Variants in COQ8A observed in about 807,000 individuals in gnomAD.
COQ8A encodes the protein coenzyme Q8A, also known as atypical kinase COQ8A, mitochondrial.
COQ8A carries 51 observed loss-of-function variants against 65.0 expected under a neutral mutation model. That is an observed-to-expected ratio of 0.78 (90% CI 0.63 to 0.99). COQ8A has a LOEUF of 0.99. Ranked by LOEUF, COQ8A falls within the 50% of genes least tolerant of loss-of-function variation. The pLI is 0.00. For missense variants in COQ8A, 940 were observed against 875.0 expected (o/e 1.07, Z -0.94); for synonymous variants, 371 against 353.2 (o/e 1.05, Z -0.57).
intron 1 of COQ8A, among the ~76,000 whole-genome samples, chr1:226,952,145 C>G (rs1365530457): frequency 6.6e-6 from 1 of 152,196 alleles, no homozygotes; most frequent in Non-Finnish European, 1.5e-5. Context: ...TTTTTCCCCA[C>G]TGTCCCGAGA....
intron 1 of COQ8A, among the ~76,000 whole-genome samples, chr1:226,960,059 TTGG>T (rs1190932051): frequency 6.7e-6 from 1 of 150,288 alleles, no homozygotes; most frequent in African/African-American, 2.5e-5. Context: ...GTGGTGGTAC[TTGG>T]TGGTAGTGGT....
At chr1:226,978,216 C>T (rs1240593596) in intron 5 of COQ8A, among the ~76,000 whole-genome samples, 11 of 104,812 alleles carry the variant, frequency 1.0e-4, no homozygotes, top group Non-Finnish European at 1.4e-4. Flanking sequence ...CACCTCCTTA[C>T]ACACCCTCTA....
rs145077521 is a variant in COQ8A, at chr1:226,949,263, T to TTA, written c.-10+8872_-10+8873dup. Among the ~76,000 whole-genome samples the TTA allele has an allele frequency of 6.6e-6, 1 of 151,936 alleles. No individual in the cohort carries two copies. Among genetic ancestry groups the TTA allele is most frequent in the Non-Finnish European group, 1.5e-5 (1 of 68,002 alleles). Reference sequence around the variant, plus strand: ...GACTTCAGGCGCAGGAGTTTGGGTTTTATATATATGTCTACATACATGTCT... The same window carrying TTA: ...GACTTCAGGCGCAGGAGTTTGGGTTTTATATATATATGTCTACATACATGTCT... On this transcript the variant is annotated intron_variant, in intron 1 of 14. Transcript: ENST00000366777. The surrounding 1 kb of genome is among the most constrained non-coding windows in gnomAD (Gnocchi z 4.0).
At chr1:226,959,681 A>G (rs1206402147) in intron 1 of COQ8A, among the ~76,000 whole-genome samples, 1 of 152,226 alleles carries the variant, frequency 6.6e-6, no homozygotes, top group Non-Finnish European at 1.5e-5. Context: ...ATGCAGGACC[A>G]CATATCTATG....
Position 226,965,443 on chromosome 1 carries a change from A to G in COQ8A, c.588+33A>G, listed in dbSNP as rs372886930. On this transcript the variant is annotated intron_variant, in intron 3 of 14. Transcript: ENST00000366777. The stretch of plus-strand genomic sequence containing the variant: ...TGGGAGGCCCCTGGAGGGCCGAGGT[A>G]GCTGCCACCCACAGCAGTGATGGCC... The G allele has an allele frequency of 1.3e-5, 20 of 1,595,990 alleles. No homozygotes were observed. The African/African-American group carries it at 1.9e-4, about 15-fold the overall frequency.
rs575609196 is a variant in COQ8A, at chr1:226,985,637, T to A, written c.1659+297T>A. Reference sequence around the variant, plus strand: ...CGATTGAGCCAACGTGCAGAGCAAGTGGGAAGGGAAGCCCCAGCCCTCCCC... The same window carrying A: ...CGATTGAGCCAACGTGCAGAGCAAGAGGGAAGGGAAGCCCCAGCCCTCCCC... On this transcript the variant is annotated intron_variant, in intron 14 of 14. Coordinates refer to ENST00000366777, the MANE Select transcript of COQ8A (RefSeq NM_020247.5). Among the ~76,000 whole-genome samples the A allele has an allele frequency of 2.0e-5, 3 of 152,102 alleles. No homozygotes were observed. In the East Asian group the frequency reaches 5.8e-4, roughly 30 times the overall value.
At chr1:226,961,623 G>C in intron 2 of COQ8A, 61 bp downstream of exon 2, 2 of 1,546,002 alleles carry the variant, frequency 1.3e-6, no homozygotes, top group Non-Finnish European at 1.7e-6. Flanking sequence ...TGGAGCTCTG[G>C]GGGAGACCAA....
At chr1:226,984,037 G>GC (rs1553280521) in intron 10 of COQ8A, 57 bp from the exon 11 acceptor site, 3 of 1,409,550 alleles carry the variant, frequency 2.1e-6, no homozygotes, top group Non-Finnish European at 2.9e-6. Context: ...GTGTGTGTGG[G>GC]GGGGGGGACG....
chr1:226,945,984 G>A (rs1181517321), intron 1 of COQ8A, among the ~76,000 whole-genome samples: 1 of 152,208 alleles, frequency 6.6e-6, no homozygotes, highest in African/African-American at 2.4e-5. Context: ...AGGTTCCCCT[G>A]GTGCTCAGCC....
intron 3 of COQ8A, 100 bp downstream of exon 3, chr1:226,965,510 G>A (rs1658509727): frequency 6.5e-7 from 1 of 1,537,448 alleles, no homozygotes; most frequent in South Asian, 1.2e-5. Context: ...GCTGTGGTCT[G>A]GGGTTTTTAG....
rs772229978 is a variant in COQ8A at position 226,977,525 on chromosome 1, T to G, written c.730+2T>G. The G allele has an allele frequency of 6.4e-7, 1 of 1,556,534 alleles. No homozygotes were observed. Among genetic ancestry groups the G allele is most frequent in the East Asian group, 2.4e-5 (1 of 42,118 alleles). On this transcript the variant is annotated splice_donor_variant, in intron 5 of 14. Coordinates refer to ENST00000366777, the MANE Select transcript of COQ8A (RefSeq NM_020247.5). LOFTEE classifies it high-confidence loss of function. ...GCCTGCGCTCCGAGGACCCCTCAGGTGAGCCGGGCCCTTCAGTGGGAGGGG... is the reference window on the plus strand; with the variant it reads ...GCCTGCGCTCCGAGGACCCCTCAGGGGAGCCGGGCCCTTCAGTGGGAGGGG...
chr1:226,985,170 C>G, intron 13 of COQ8A, 84 bp from the exon 14 acceptor site: 6 of 1,457,558 alleles, frequency 4.1e-6, no homozygotes, highest in Non-Finnish European at 5.7e-6. Context: ...GTGGGGTGGG[C>G]TCGGGTGTGG....
chr1:226,969,044 T>G (rs1159541987), intron 4 of COQ8A, among the ~76,000 whole-genome samples: 1 of 152,200 alleles, frequency 6.6e-6, no homozygotes, highest in Admixed American at 6.5e-5. Context: ...TGCCGTTGAT[T>G]CCAAATGGGA....
At chr1:226,947,059 G>A (rs991424972) in intron 1 of COQ8A, among the ~76,000 whole-genome samples, 3 of 152,252 alleles carry the variant, frequency 2.0e-5, no homozygotes, top group African/African-American at 7.2e-5. Flanking sequence ...AGTTTGGCCA[G>A]ATGGCCTTTG....
chr1:226,955,594 T>A (rs1287798818), intron 1 of COQ8A, among the ~76,000 whole-genome samples: 1 of 27,932 alleles, frequency 3.6e-5, no homozygotes, highest in Admixed American at 3.6e-4. Flanking sequence ...TCCCTGGCTG[T>A]CACTCCCTGG....
In COQ8A at chr1:226,986,857, T is replaced by G; in HGVS notation, c.*120T>G. Reference sequence around the variant, plus strand: ...TCCTTTGCCCAATAAGGGGGGTGGCTGCCTGGAGCCCCGTAGCCAGCGCTT... The same window carrying G: ...TCCTTTGCCCAATAAGGGGGGTGGCGGCCTGGAGCCCCGTAGCCAGCGCTT... On this transcript the variant is annotated 3_prime_UTR_variant, in exon 15 of 15. Coordinates refer to ENST00000366777, the MANE Select transcript of COQ8A (RefSeq NM_020247.5). 1 of 1,282,910 alleles carries G rather than the reference T, an allele frequency of 7.8e-7. No individual in the cohort carries two copies. The highest frequency in any genetic ancestry group is 1.1e-6 in the Non-Finnish European group (1 of 923,048). The allele number at this position is 1,282,910 out of a possible 1,614,324, so 79.5% of individuals were successfully genotyped here. A position where few individuals can be genotyped will look rare whatever the true frequency, so the allele number is the denominator to read the frequency against.
intron 4 of COQ8A, among the ~76,000 whole-genome samples, chr1:226,975,831 C>T (rs528795681): frequency 1.6e-4 from 25 of 152,234 alleles, no homozygotes; most frequent in Admixed American, 9.8e-4. Context: ...AAAAATGTAT[C>T]GCAAAAACAT....
At position 226,986,878 on chromosome 1, in the gene COQ8A, C is replaced by A. The variant is rs888520091; in HGVS notation, c.*141C>A. 9.9e-7 allele frequency: 1 copy of A among 1,014,014 alleles called. No individual in the cohort carries two copies. The highest frequency in any genetic ancestry group is 1.5e-5 in the South Asian group (1 of 66,280). 62.8% of individuals were successfully genotyped at this position (1,014,014 alleles called of 1,614,324 possible). A position where few individuals can be genotyped will look rare whatever the true frequency, so the allele number is the denominator to read the frequency against. ...TGGCTGCCTGGAGCCCCGTAGCCAG[C>A]GCTTTCCACGGTTTCTGTTGCTAAA... is the stretch of plus-strand genomic sequence containing the variant. On this transcript the variant is annotated 3_prime_UTR_variant, in exon 15 of 15. Transcript: ENST00000366777.
chr1:226,986,454 T>G lies in COQ8A; in HGVS notation c.1661T>G (p.Val554Gly). 1.2e-6 allele frequency: 2 copies of G among 1,611,866 alleles called. No homozygotes were observed. Among genetic ancestry groups the G allele is most frequent in the African/African-American group, 2.7e-5 (2 of 74,938 alleles). Residue 554 changes from valine (V) to glycine (G), a missense_variant and splice_region_variant, in exon 15 of 15, where the codon GTC becomes GGC. Coordinates refer to ENST00000366777, the MANE Select transcript of COQ8A (RefSeq NM_020247.5). ...TTTATCCTTCCTCTCTTGCCCCAGG[T>G]CATGGAAGACGCCCACTTGGATGCC... ...MKFLTGYEVK[V>G]MEDAHLDAIL...
Sources: allele counts gnomAD v4.1 joint callset (sites outside exome capture counted in the v4.1 genomes callset), GRCh38; gene constraint gnomAD v4.1.1; non-coding constraint Gnocchi (gnomAD v3.1); transcripts MANE v1.5; gene names NCBI Gene and HGNC (gene_info 2026-07-23, HGNC 2026-07-21).